Variants in HS3ST5 observed in about 807,000 individuals in gnomAD.
The protein encoded by HS3ST5 is heparan sulfate-glucosamine 3-sulfotransferase 5, also known as heparan sulfate glucosamine 3-O-sulfotransferase 5.
Under a neutral mutation model 25.4 loss-of-function variants are expected in HS3ST5, and 10 were observed. The observed-to-expected ratio is 0.39, with a 90% CI of 0.24 to 0.67. The LOEUF (loss-of-function observed/expected upper bound fraction) is 0.67, where lower values mean the gene tolerates loss of function less well. Ranked by LOEUF, HS3ST5 falls within the 30% of genes least tolerant of loss-of-function variation. The pLI is 0.44. For missense variants in HS3ST5, 324 were observed against 420.7 expected, an observed-to-expected ratio of 0.77 and a Z score of 2.01; for synonymous variants, 170 against 162.4, an observed-to-expected ratio of 1.05 and a Z score of -0.36.
intron 3 of HS3ST5, among the ~76,000 whole-genome samples, chr6:114,112,033 T>C (rs1178087001): frequency 6.6e-6 from 1 of 152,172 alleles, no homozygotes; most frequent in Non-Finnish European, 1.5e-5. Context: ...ATGGTTCCGC[T>C]GTATAATTAT....
intron 1 of HS3ST5, among the ~76,000 whole-genome samples, chr6:114,341,258 A>AGAGG (rs1562281461): frequency 1.4e-5 from 2 of 147,846 alleles, no homozygotes; most frequent in African/African-American, 2.5e-5. Context: ...AGAGAGAGAG[A>AGAGG]GAGTGAGTCC....
At chr6:114,172,752 T>C (rs1366680542) in intron 2 of HS3ST5, among the ~76,000 whole-genome samples, 1 of 152,226 alleles carries the variant, frequency 6.6e-6, no homozygotes, top group African/African-American at 2.4e-5. Context: ...GTGTTCCTAA[T>C]AGATAAGGGA....
At chr6:114,317,849 G>C (rs965826499) in intron 1 of HS3ST5, among the ~76,000 whole-genome samples, 3 of 152,022 alleles carry the variant, frequency 2.0e-5, no homozygotes, top group South Asian at 2.1e-4. Flanking sequence ...GCTTATTTTA[G>C]ACAGGGTGGC....
intron 1 of HS3ST5, among the ~76,000 whole-genome samples, chr6:114,242,469 C>T (rs932239072): frequency 4.6e-5 from 7 of 152,050 alleles, no homozygotes; most frequent in African/African-American, 1.7e-4. Flanking sequence ...TAAATGTATA[C>T]TATATAACTT....
At chr6:114,308,170 A>C (rs1775375701) in intron 1 of HS3ST5, among the ~76,000 whole-genome samples, 2 of 152,236 alleles carry the variant, frequency 1.3e-5, no homozygotes, top group South Asian at 4.1e-4. Context: ...TAGTAAGTTT[A>C]GGAATATCTT....
chr6:114,247,903 A>G (rs1043562437), intron 1 of HS3ST5, among the ~76,000 whole-genome samples: 1 of 151,892 alleles, frequency 6.6e-6, no homozygotes, highest in Admixed American at 6.6e-5. Flanking sequence ...ATTTTATTAA[A>G]AATAATAATA....
chr6:114,105,187 A>G (rs1775933688), intron 3 of HS3ST5, among the ~76,000 whole-genome samples: 1 of 152,224 alleles, frequency 6.6e-6, no homozygotes, highest in Non-Finnish European at 1.5e-5. Flanking sequence ...CAGCAGCTCA[A>G]ATGTCTATGG....
At chr6:114,274,836 G>A (rs190387617) in intron 1 of HS3ST5, among the ~76,000 whole-genome samples, 7 of 150,528 alleles carry the variant, frequency 4.7e-5, no homozygotes, top group African/African-American at 1.2e-4. Flanking sequence ...AGAATGTGTC[G>A]GAGTCTGAGA....
chr6:114,256,599 GC>G (rs1239273414), intron 1 of HS3ST5, among the ~76,000 whole-genome samples: 2 of 152,248 alleles, frequency 1.3e-5, no homozygotes, highest in Admixed American at 1.3e-4. Flanking sequence ...TACTCCAGTT[GC>G]CAACAAGTTT....
chr6:114,221,188 T>C (rs1273615202), intron 2 of HS3ST5, among the ~76,000 whole-genome samples: 1 of 151,934 alleles, frequency 6.6e-6, no homozygotes, highest in Non-Finnish European at 1.5e-5. Context: ...TCAATCAGTC[T>C]GTGATGCTAC....
intron 1 of HS3ST5, among the ~76,000 whole-genome samples, chr6:114,308,459 C>T (rs540933427): frequency 2.6e-5 from 4 of 151,902 alleles, no homozygotes; most frequent in African/African-American, 9.7e-5. Context: ...TGGTGGCAGG[C>T]GCCTGTAGTC....
At chr6:114,127,722 A>G (rs1777112330) in intron 3 of HS3ST5, among the ~76,000 whole-genome samples, 2 of 152,152 alleles carry the variant, frequency 1.3e-5, no homozygotes, top group Admixed American at 1.3e-4. Flanking sequence ...TGTAATCTAT[A>G]CATACAAATG....
At chr6:114,101,738 A>G (rs912209579) in intron 3 of HS3ST5, among the ~76,000 whole-genome samples, 3 of 152,212 alleles carry the variant, frequency 2.0e-5, no homozygotes, top group Admixed American at 2.0e-4. Flanking sequence ...TGCCATAAAG[A>G]CACATGCACA....
chr6:114,325,354 T>C lies in HS3ST5; in HGVS notation c.-339+16841A>G, dbSNP rs567787973. ...GTTTAAAATATGGAAAAAGGTATTC[T>C]AGCCCAATATTGATCAAAATTAGAT... On this transcript the variant is annotated intron_variant, in intron 1 of 4. Transcript: ENST00000312719. 1.1e-4 allele frequency among the ~76,000 whole-genome samples: 16 copies of C among 152,336 alleles called. No individual in the cohort carries two copies. In the South Asian group the frequency reaches 3.3e-3, roughly 32 times the overall value.
rs1562280165 is a variant in HS3ST5, at chr6:114,337,659, G to C, written c.-339+4536C>G. ...GTTATGTCACGGCTTCATTACAATTGCCTTCCTTATGAATTTCAGAAGAAT... is the reference window on the plus strand; with the variant it reads ...GTTATGTCACGGCTTCATTACAATTCCCTTCCTTATGAATTTCAGAAGAAT... On this transcript the variant is annotated intron_variant, in intron 1 of 4. Coordinates refer to ENST00000312719, the MANE Select transcript of HS3ST5 (RefSeq NM_153612.4). 2.0e-5 allele frequency among the ~76,000 whole-genome samples: 3 copies of C among 152,236 alleles called. No homozygotes were observed. The South Asian group carries it at 6.2e-4, about 32-fold the overall frequency.
chr6:114,074,914 A>G (rs369773841), intron 3 of HS3ST5, among the ~76,000 whole-genome samples: 4 of 152,176 alleles, frequency 2.6e-5, no homozygotes, highest in East Asian at 3.9e-4. Context: ...CATTCTTAAC[A>G]TGCTTCAAAA....
At chr6:114,312,886 C>T (rs549378667) in intron 1 of HS3ST5, among the ~76,000 whole-genome samples, 45 of 151,416 alleles carry the variant, frequency 3.0e-4, no homozygotes, top group Middle Eastern at 3.4e-3. Flanking sequence ...AAAAATCAGC[C>T]GAGCATGGTG....
chr6:114,224,088 T>C (rs1317973774), intron 2 of HS3ST5, among the ~76,000 whole-genome samples: 1 of 151,624 alleles, frequency 6.6e-6, no homozygotes. Flanking sequence ...ATTTTATGTT[T>C]TCTGATACTA....
chr6:114,333,610 A>T (rs1776490800), intron 1 of HS3ST5, among the ~76,000 whole-genome samples: 1 of 152,130 alleles, frequency 6.6e-6, no homozygotes, highest in African/African-American at 2.4e-5. Context: ...TTATATTCAG[A>T]GAAAATCTGA....
Sources: allele counts gnomAD v4.1 joint callset (sites outside exome capture counted in the v4.1 genomes callset), GRCh38; gene constraint gnomAD v4.1.1; transcripts MANE v1.5; gene names NCBI Gene and HGNC (gene_info 2026-07-23, HGNC 2026-07-21).